GSG1L: variants seen among roughly 807,000 people sequenced by gnomAD.
The protein encoded by GSG1L is germ cell-specific gene 1-like protein.
In GSG1L, 24 loss-of-function variants were observed where a neutral mutation model predicts 42.1. The ratio of observed to expected loss-of-function variants is 0.57; its 90% CI spans 0.41 to 0.80. The LOEUF is 0.80. GSG1L is among the 30% of genes least tolerant of loss of function. The probability of loss-of-function intolerance (pLI) is 0.00; values close to 1 mark genes in which losing one functional copy is unlikely to be tolerated. For missense variants in GSG1L, 445 were observed against 472.2 expected (o/e 0.94, Z 0.53); for synonymous variants, 215 against 203.5 (o/e 1.06, Z -0.48).
chr16:27,923,565 C>A (rs375586916), intron 2 of GSG1L, among the ~76,000 whole-genome samples: 15 of 152,006 alleles, frequency 9.9e-5, no homozygotes, highest in African/African-American at 3.1e-4. Flanking sequence ...GCCAACATGG[C>A]GAAACCCCGT....
intron 3 of GSG1L, among the ~76,000 whole-genome samples, chr16:27,870,589 C>T (rs567614679): frequency 3.3e-5 from 5 of 151,610 alleles, no homozygotes; most frequent in South Asian, 2.1e-4. Flanking sequence ...TTCCCTTCCC[C>T]GCCCTCCTAG....
intron 5 of GSG1L, among the ~76,000 whole-genome samples, chr16:27,824,458 C>T (rs896961102): frequency 6.6e-6 from 1 of 151,884 alleles, no homozygotes; most frequent in Non-Finnish European, 1.5e-5. Flanking sequence ...AGGATGCTGG[C>T]CACTGTAAGA....
intron 2 of GSG1L, 75 bp downstream of exon 2, chr16:27,963,081 T>C: frequency 7.8e-7 from 1 of 1,287,884 alleles, no homozygotes; most frequent in Non-Finnish European, 1.1e-6. Flanking sequence ...CACAGGGCTT[T>C]GGGGAGCCAC....
chr16:28,012,803 G>T (rs1279429718), intron 1 of GSG1L, among the ~76,000 whole-genome samples: 1 of 151,784 alleles, frequency 6.6e-6, no homozygotes, highest in Non-Finnish European at 1.5e-5. Context: ...AAGCTGAGGT[G>T]GGAGGATCAC....
chr16:27,850,235 G>C (rs2083494927), intron 3 of GSG1L, among the ~76,000 whole-genome samples: 1 of 151,328 alleles, frequency 6.6e-6, no homozygotes, highest in African/African-American at 2.4e-5. Flanking sequence ...CACCATGTTA[G>C]TCAGGCTGGT....
chr16:27,846,171 G>A (rs940847251), intron 3 of GSG1L, among the ~76,000 whole-genome samples: 5 of 152,142 alleles, frequency 3.3e-5, no homozygotes, highest in East Asian at 1.9e-4. Context: ...CTGTCCCACC[G>A]ATCTTTCTCT....
chr16:27,845,661 T>C (rs2083434851), intron 3 of GSG1L, among the ~76,000 whole-genome samples: 1 of 152,210 alleles, frequency 6.6e-6, no homozygotes, highest in Non-Finnish European at 1.5e-5. Flanking sequence ...GAAAACTGCC[T>C]GGCTGCTAAT....
Position 28,063,064 on chromosome 16 carries a change from G to A in GSG1L, c.349+12C>T, listed in dbSNP as rs967895056. ...GCCGGAGCCGAGCTGGCCGCCGCCC[G>A]CGCGCACTCACCAAGCCCGCTGAGC... is the stretch of plus-strand genomic sequence containing the variant. On this transcript the variant is annotated intron_variant, in intron 1 of 6. Transcript: ENST00000447459. This position sits in a 1 kb window ranked among gnomAD's most constrained non-coding sequence, Gnocchi z 5.8. The A allele has an allele frequency of 2.0e-5, 28 of 1,407,026 alleles. No homozygotes were observed. In the African/African-American group the frequency reaches 3.6e-4, roughly 18 times the overall value. 87.2% of individuals were successfully genotyped at this position (1,407,026 alleles called of 1,614,324 possible). A position where few individuals can be genotyped will look rare whatever the true frequency, so the allele number is the denominator to read the frequency against.
chr16:28,019,181 G>A (rs528213867), intron 1 of GSG1L, among the ~76,000 whole-genome samples: 148 of 152,284 alleles, frequency 9.7e-4, no homozygotes, highest in Middle Eastern at 6.8e-3. Context: ...GATGAGATGG[G>A]AGCACAAGAT....
At chr16:27,907,616 T>G (rs1456815347) in intron 2 of GSG1L, among the ~76,000 whole-genome samples, 1 of 152,194 alleles carries the variant, frequency 6.6e-6, no homozygotes. Flanking sequence ...GGGTTTTAAT[T>G]GGGGAGCTGC....
At chr16:27,822,065 G>A (rs2083156519) in intron 5 of GSG1L, among the ~76,000 whole-genome samples, 1 of 152,002 alleles carries the variant, frequency 6.6e-6, no homozygotes, top group Non-Finnish European at 1.5e-5. Flanking sequence ...CCTGCACAGA[G>A]GGAGGTCTCT....
At chr16:27,919,625 A>G (rs2084501750) in intron 2 of GSG1L, among the ~76,000 whole-genome samples, 1 of 152,146 alleles carries the variant, frequency 6.6e-6, no homozygotes, top group South Asian at 2.1e-4. Context: ...AGCCAAGAAG[A>G]TGGAAAACTC....
chr16:28,036,958 G>A (rs1227727918), intron 1 of GSG1L, among the ~76,000 whole-genome samples: 3 of 152,224 alleles, frequency 2.0e-5, no homozygotes, highest in African/African-American at 7.2e-5. Flanking sequence ...TGCCTGGTTT[G>A]TACTCCCCAG....
intron 2 of GSG1L, among the ~76,000 whole-genome samples, chr16:27,959,524 G>A (rs1156322785): frequency 7.0e-6 from 1 of 142,056 alleles, no homozygotes; most frequent in East Asian, 2.2e-4. Context: ...GAGGGAAGGG[G>A]AGGGGAGGGA....
intron 1 of GSG1L, among the ~76,000 whole-genome samples, chr16:28,003,026 G>A (rs2085597064): frequency 6.6e-6 from 1 of 152,214 alleles, no homozygotes; most frequent in South Asian, 2.1e-4. Flanking sequence ...AAAGCCCTGG[G>A]GCAGGAATGA....
intron 3 of GSG1L, among the ~76,000 whole-genome samples, chr16:27,877,015 C>T (rs948028040): frequency 3.3e-5 from 5 of 152,164 alleles, no homozygotes; most frequent in African/African-American, 9.7e-5. Flanking sequence ...ATTTTCCGAA[C>T]GACTTTCTCT....
In GSG1L at chr16:28,063,228, G is replaced by T. The variant is rs1430653700; in HGVS notation, c.197C>A (p.Ala66Asp). Residue 66 changes from alanine (A) to aspartate (D), a missense_variant, in exon 1 of 7, where the codon GCC (alanine) becomes GAC (aspartate). Physicochemically the swap from Ala to Asp is moderately radical, Grantham distance 126. Around this residue, in one of 3 missense-constraint regions of GSG1L, gnomAD observed 156 missense variants for 128.3 expected, o/e 1.22. Transcript: ENST00000447459. The surrounding 1 kb of genome is among the most constrained non-coding windows in gnomAD (Gnocchi z 5.8). ...GGCGGCGGCGGCGGCGGCGGCGGGGGCGGCGGTGCCGTTGGCCGTGGCGTT... is the reference window on the plus strand; with the variant it reads ...GGCGGCGGCGGCGGCGGCGGCGGGGTCGGCGGTGCCGTTGGCCGTGGCGTT... ...GANATANGTA[A>D]PAAAAAAATA... 6.4e-6 allele frequency: 8 copies of T among 1,254,736 alleles called. No individual in the cohort carries two copies. The highest frequency in any genetic ancestry group is 2.9e-5 in the South Asian group (1 of 33,998). 77.7% of individuals were successfully genotyped at this position (1,254,736 alleles called of 1,614,324 possible). A position where few individuals can be genotyped will look rare whatever the true frequency, so the allele number is the denominator to read the frequency against.
Position 28,063,602 on chromosome 16 carries a change from G to C in GSG1L, c.-178C>G, listed in dbSNP as rs1266787338. On this transcript the variant is annotated 5_prime_UTR_variant, in exon 1 of 7. Transcript: ENST00000447459. This position sits in a 1 kb window ranked among gnomAD's most constrained non-coding sequence, Gnocchi z 5.8. The stretch of plus-strand genomic sequence containing the variant: ...CCCCCCAACCCCGGGGTGGGGGCGC[G>C]GCGCGGGGGGCGTGCGGGGCGGGCT... The C allele has an allele frequency of 1.2e-5, 2 of 163,216 alleles. No individual in the cohort carries two copies. Among genetic ancestry groups the C allele is most frequent in the Non-Finnish European group, 2.5e-5 (2 of 80,518 alleles). 10.1% of individuals were successfully genotyped at this position (163,216 alleles called of 1,614,324 possible). A position where few individuals can be genotyped will look rare whatever the true frequency, so the allele number is the denominator to read the frequency against.
chr16:27,827,164 G>A (rs1811218405), intron 5 of GSG1L, among the ~76,000 whole-genome samples: 1 of 152,160 alleles, frequency 6.6e-6, no homozygotes, highest in Non-Finnish European at 1.5e-5. Flanking sequence ...CTGGGCACAG[G>A]GCCTGGCACA....
Sources: gnomAD v4.1 joint callset for allele counts (sites outside exome capture counted in the v4.1 genomes callset) on GRCh38, gnomAD v4.1.1 for gene constraint, gnomAD v4.1.1 regional missense constraint, Gnocchi (gnomAD v3.1) non-coding constraint, MANE v1.5 for transcripts, NCBI Gene and HGNC (gene_info 2026-07-23, HGNC 2026-07-21) for gene names.